B3GALT1: variants seen among roughly 807,000 people sequenced by gnomAD.
The protein encoded by B3GALT1 is UDP-Gal:betaGlcNAc beta 1,3-galactosyltransferase, polypeptide 1.
B3GALT1 carries 10 observed loss-of-function variants against 23.2 expected under a neutral mutation model. The ratio of observed to expected loss-of-function variants is 0.43; its 90% CI spans 0.27 to 0.73. B3GALT1 has a LOEUF of 0.73. Ranked by LOEUF, B3GALT1 falls within the 30% of genes least tolerant of loss-of-function variation. The pLI, the probability that B3GALT1 is intolerant of heterozygous loss-of-function variation, is 0.21. For missense variants in B3GALT1, 299 were observed against 405.4 expected (o/e 0.74, Z 2.25); for synonymous variants, 156 against 141.5 (o/e 1.10, Z -0.73).
chr2:167,657,957 A>G (rs1041596683), intron 3 of B3GALT1, among the ~76,000 whole-genome samples: 1 of 152,130 alleles, frequency 6.6e-6, no homozygotes, highest in African/African-American at 2.4e-5. Flanking sequence ...CCCAGGGAAT[A>G]TTTGAGACCA....
intron 3 of B3GALT1, among the ~76,000 whole-genome samples, chr2:167,752,932 T>C (rs1687761613): frequency 6.6e-6 from 1 of 152,186 alleles, no homozygotes; most frequent in South Asian, 2.1e-4. Context: ...CTCATTGTGC[T>C]TGGTTCCTTC....
chr2:167,336,511 C>T (rs1057439271), intron 1 of B3GALT1, among the ~76,000 whole-genome samples: 3 of 152,100 alleles, frequency 2.0e-5, no homozygotes, highest in African/African-American at 7.2e-5. Flanking sequence ...ATTAGTCTGG[C>T]AAGACAGGCT....
chr2:167,615,332 C>T (rs1040524820), intron 2 of B3GALT1, among the ~76,000 whole-genome samples: 3 of 151,748 alleles, frequency 2.0e-5, no homozygotes, highest in Non-Finnish European at 4.4e-5. Flanking sequence ...CTGAAAAAAT[C>T]GGATTCATAG....
chr2:167,619,212 T>C (rs893054611), intron 2 of B3GALT1, among the ~76,000 whole-genome samples: 1 of 152,020 alleles, frequency 6.6e-6, no homozygotes, highest in African/African-American at 2.4e-5. Flanking sequence ...TATTGATGGC[T>C]CTCACAAGTA....
intron 3 of B3GALT1, among the ~76,000 whole-genome samples, chr2:167,703,058 C>A (rs568849366): frequency 1.3e-5 from 2 of 152,300 alleles, no homozygotes; most frequent in Admixed American, 1.3e-4. Flanking sequence ...TTTGTACCAA[C>A]CCCTTAGGGC....
intron 1 of B3GALT1, among the ~76,000 whole-genome samples, chr2:167,461,714 C>G (rs555446205): frequency 6.6e-6 from 1 of 151,932 alleles, no homozygotes; most frequent in Non-Finnish European, 1.5e-5. Flanking sequence ...TAGCTAAATT[C>G]TTTTCTATTT....
intron 2 of B3GALT1, among the ~76,000 whole-genome samples, chr2:167,562,463 T>G (rs57230846): frequency 4.8e-4 from 73 of 152,022 alleles, no homozygotes; most frequent in Admixed American, 2.2e-3. Flanking sequence ...CCAGGGCAAT[T>G]AGGCAGGAGA....
chr2:167,861,756 T>C (rs1043149542), intron 4 of B3GALT1, among the ~76,000 whole-genome samples: 1 of 152,192 alleles, frequency 6.6e-6, no homozygotes, highest in African/African-American at 2.4e-5. Flanking sequence ...ATCTTCTGCC[T>C]CTGTCTCCTA....
At chr2:167,444,234 A>G (rs1038490447) in intron 1 of B3GALT1, among the ~76,000 whole-genome samples, 5 of 152,144 alleles carry the variant, frequency 3.3e-5, no homozygotes, top group East Asian at 1.9e-4. Context: ...ATCATGGTGG[A>G]TAAGCTTTTT....
At chr2:167,821,596 G>T (rs1689108220) in intron 4 of B3GALT1, among the ~76,000 whole-genome samples, 1 of 151,818 alleles carries the variant, frequency 6.6e-6, no homozygotes, top group Non-Finnish European at 1.5e-5. Context: ...CACCATGCCT[G>T]GCTAATTTTT....
chr2:167,828,698 A>G (rs1055715861), intron 4 of B3GALT1, among the ~76,000 whole-genome samples: 3 of 152,210 alleles, frequency 2.0e-5, no homozygotes, highest in East Asian at 1.9e-4. Flanking sequence ...TGCTTACTCT[A>G]TGCTAAGCAC....
chr2:167,759,602 T>G (rs936600179), intron 3 of B3GALT1, among the ~76,000 whole-genome samples: 15 of 152,204 alleles, frequency 9.9e-5, no homozygotes, highest in African/African-American at 3.6e-4. Flanking sequence ...AAGCCTCTAC[T>G]GAGAGCTAGT....
intron 3 of B3GALT1, among the ~76,000 whole-genome samples, chr2:167,648,214 T>G (rs1306556800): frequency 1.3e-5 from 2 of 152,132 alleles, no homozygotes; most frequent in Non-Finnish European, 2.9e-5. Flanking sequence ...ACCATTAAAT[T>G]TATCTTCTAA....
rs1336747972 is a variant in B3GALT1 at position 167,869,726 on chromosome 2, C to G, written c.687C>G (p.Asp229Glu). The change falls in exon 5 of 5, where the codon GAC becomes GAG. Residue 229 changes from aspartate (D) to glutamate (E), a missense_variant. By Grantham distance (45) the Asp-to-Glu change is conservative. Transcript: ENST00000392690. The surrounding 1 kb of genome is among the most constrained non-coding windows in gnomAD (Gnocchi z 6.4). ...ATATGCCCAGGGATTTGTACCCAGA[C>G]AGTAACTACCCACCTTTCTGTTCGG... ...KWYMPRDLYP[D>E]SNYPPFCSGT... is the part of the protein sequence containing the mutation. 1.9e-6 allele frequency: 3 copies of G among 1,614,166 alleles called. No homozygotes were observed. Among genetic ancestry groups the G allele is most frequent in the Non-Finnish European group, 2.5e-6 (3 of 1,180,022 alleles).
At chr2:167,754,673 C>T (rs1687789126) in intron 3 of B3GALT1, among the ~76,000 whole-genome samples, 1 of 152,012 alleles carries the variant, frequency 6.6e-6, no homozygotes, top group African/African-American at 2.4e-5. Flanking sequence ...GCTACCTTTC[C>T]ACATCAAGTC....
At chr2:167,754,812 A>T (rs901879814) in intron 3 of B3GALT1, among the ~76,000 whole-genome samples, 1 of 152,204 alleles carries the variant, frequency 6.6e-6, no homozygotes, top group Non-Finnish European at 1.5e-5. Flanking sequence ...GACCAAGGCT[A>T]CTCAACACCA....
chr2:167,867,048 T>A (rs1690235113), intron 4 of B3GALT1, among the ~76,000 whole-genome samples: 1 of 151,602 alleles, frequency 6.6e-6, no homozygotes, highest in South Asian at 2.1e-4. Context: ...TGCCTCAGCC[T>A]CCCGAGTAGC....
chr2:167,615,655 TAAAAA>T (rs201476994), intron 2 of B3GALT1, among the ~76,000 whole-genome samples: 1 of 150,980 alleles, frequency 6.6e-6, no homozygotes, highest in Non-Finnish European at 1.5e-5. Flanking sequence ...AATTAAAAAA[TAAAAA>T]AAAATTGAAA....
At chr2:167,690,633 C>T (rs901655355) in intron 3 of B3GALT1, among the ~76,000 whole-genome samples, 3 of 152,052 alleles carry the variant, frequency 2.0e-5, no homozygotes, top group African/African-American at 2.4e-5. Flanking sequence ...TTGATACCTT[C>T]GGCAATCATT....
Sources: allele counts gnomAD v4.1 joint callset (sites outside exome capture counted in the v4.1 genomes callset), GRCh38; gene constraint gnomAD v4.1.1; non-coding constraint Gnocchi (gnomAD v3.1); transcripts MANE v1.5; gene names NCBI Gene and HGNC (gene_info 2026-07-23, HGNC 2026-07-21).